The following NDUFAF6 variants were observed in gnomAD, a reference collection of about 807,000 sequenced individuals.
The protein encoded by NDUFAF6 is NADH dehydrogenase (ubiquinone) complex I, assembly factor 6.
NDUFAF6 carries 45 observed loss-of-function variants against 40.8 expected under a neutral mutation model. The observed-to-expected ratio is 1.10, with a 90% CI of 0.87 to 1.42. NDUFAF6 has a LOEUF of 1.42. Ranked by LOEUF, NDUFAF6 falls within the 40% of genes most tolerant of loss-of-function variation. The pLI is 0.00. For synonymous variants in NDUFAF6, 185 were observed against 155.9 expected (o/e 1.19, Z -1.39); for missense variants, 435 against 418.5 (o/e 1.04, Z -0.34).
At chr8:95,040,388 A>C (rs1313434152) in intron 3 of NDUFAF6, among the ~76,000 whole-genome samples, 2 of 152,156 alleles carry the variant, frequency 1.3e-5, no homozygotes, top group African/African-American at 4.8e-5. Context: ...CCACTGTATA[A>C]TTCTGCTTGC....
intron 2 of NDUFAF6, among the ~76,000 whole-genome samples, chr8:94,948,947 C>A (rs1309468632): frequency 6.6e-6 from 1 of 150,960 alleles, no homozygotes; most frequent in Admixed American, 6.6e-5. Flanking sequence ...GCCCCGGGGG[C>A]CGCCGAGGAC....
chr8:94,941,217 C>T, intron 1 of NDUFAF6: 1 of 293,646 alleles, frequency 3.4e-6, no homozygotes, highest in Middle Eastern at 9.2e-4. Flanking sequence ...CAGCTATTCC[C>T]TTTCTGCAGG....
chr8:95,041,865 T>G (rs1303265886), intron 4 of NDUFAF6, among the ~76,000 whole-genome samples: 2 of 152,070 alleles, frequency 1.3e-5, no homozygotes, highest in African/African-American at 4.8e-5. Flanking sequence ...CTATTTTGGT[T>G]TTTTCAAAAG....
At chr8:95,036,799 T>G (rs1829556597) in intron 3 of NDUFAF6, among the ~76,000 whole-genome samples, 1 of 152,264 alleles carries the variant, frequency 6.6e-6, no homozygotes, top group African/African-American at 2.4e-5. Flanking sequence ...AATTTAGGAT[T>G]GCTAAATTGT....
intron 1 of NDUFAF6, among the ~76,000 whole-genome samples, chr8:94,963,635 G>C (rs936496151): frequency 2.0e-5 from 3 of 152,204 alleles, no homozygotes; most frequent in Non-Finnish European, 4.4e-5. Context: ...CATCTAACTA[G>C]GTAATAGAGG....
At chr8:94,898,988 G>A (rs1483799146) in intron 1 of NDUFAF6, among the ~76,000 whole-genome samples, 1 of 152,176 alleles carries the variant, frequency 6.6e-6, no homozygotes, top group Admixed American at 6.5e-5. Flanking sequence ...AACAAGAAAG[G>A]AATAAAACAT....
intron 1 of NDUFAF6, among the ~76,000 whole-genome samples, chr8:94,961,570 T>C (rs1823579841): frequency 6.6e-6 from 1 of 152,114 alleles, no homozygotes; most frequent in Non-Finnish European, 1.5e-5. Context: ...TACAGGCGCG[T>C]ACCACTACAC....
intron 8 of NDUFAF6, among the ~76,000 whole-genome samples, chr8:95,056,108 A>T (rs1480708169): frequency 1.3e-5 from 2 of 152,124 alleles, no homozygotes; most frequent in African/African-American, 4.8e-5. Context: ...CACACTCTTA[A>T]TGTTTCTGAG....
At chr8:94,905,165 A>T (rs1161009063) in intron 1 of NDUFAF6, among the ~76,000 whole-genome samples, 1 of 151,982 alleles carries the variant, frequency 6.6e-6, no homozygotes, top group Non-Finnish European at 1.5e-5. Flanking sequence ...GCGGCATTGC[A>T]CTCTAGCCCA....
At chr8:95,007,960 G>A (rs1827074436) in intron 2 of NDUFAF6, among the ~76,000 whole-genome samples, 1 of 152,088 alleles carries the variant, frequency 6.6e-6, no homozygotes, top group South Asian at 2.1e-4. Context: ...CTGAGCTCAA[G>A]CAATCCTCCC....
At chr8:94,901,781 C>T (rs1022368341) in intron 1 of NDUFAF6, among the ~76,000 whole-genome samples, 2 of 152,060 alleles carry the variant, frequency 1.3e-5, no homozygotes, top group African/African-American at 2.4e-5. Context: ...GTCAGGGTTT[C>T]GCCATGTTGG....
chr8:95,072,102 A>T (rs919037424), intron 9 of NDUFAF6: 1 of 152,274 alleles, frequency 6.6e-6, no homozygotes, highest in Admixed American at 6.5e-5. Context: ...ATCTTCGCAT[A>T]AACCTCAGGA....
upstream of NDUFAF6, among the ~76,000 whole-genome samples, chr8:94,955,401 C>T (rs1045386998): frequency 2.0e-5 from 3 of 152,186 alleles, no homozygotes; most frequent in African/African-American, 7.2e-5. Flanking sequence ...ATAACTAACC[C>T]ACTCCTGGGA....
At chr8:95,079,161 G>A (rs372218550), downstream of NDUFAF6, among the ~76,000 whole-genome samples, 40 of 151,906 alleles carry the variant, frequency 2.6e-4, no homozygotes, top group Middle Eastern at 6.8e-3. Flanking sequence ...TAGTAGAGAC[G>A]GGATTTCTCC....
At chr8:94,929,057 A>G (rs1820145716) in intron 1 of NDUFAF6, 1 of 152,672 alleles carries the variant, frequency 6.5e-6, no homozygotes, top group African/African-American at 2.4e-5. Flanking sequence ...GACTGGCTAG[A>G]GGTAAGGAAA....
chr8:95,013,592 C>G (rs937953624), intron 2 of NDUFAF6, among the ~76,000 whole-genome samples: 34 of 152,236 alleles, frequency 2.2e-4, no homozygotes, highest in Admixed American at 1.0e-3. Flanking sequence ...ATATTGATTG[C>G]ATACCTCGAT....
At chr8:94,939,139 C>A (rs1393787291) in intron 1 of NDUFAF6, among the ~76,000 whole-genome samples, 1 of 152,122 alleles carries the variant, frequency 6.6e-6, no homozygotes, top group Non-Finnish European at 1.5e-5. Flanking sequence ...TTGTTAAATT[C>A]TCAGACAAGG....
intron 2 of NDUFAF6, among the ~76,000 whole-genome samples, chr8:95,003,623 G>T (rs1051818006): frequency 6.6e-6 from 1 of 152,118 alleles, no homozygotes; most frequent in Non-Finnish European, 1.5e-5. Flanking sequence ...TTTGTGTCTG[G>T]CTTCACTACC....
chr8:95,086,591 T>A (rs566150855), intron 2 of NDUFAF6, among the ~76,000 whole-genome samples: 1 of 132,392 alleles, frequency 7.6e-6, no homozygotes, highest in Admixed American at 8.1e-5. Flanking sequence ...TCTCTCTTTT[T>A]TCTTTTCTTT....
Sources: gnomAD v4.1 joint callset for allele counts (sites outside exome capture counted in the v4.1 genomes callset) on GRCh38, gnomAD v4.1.1 for gene constraint, MANE v1.5 for transcripts, NCBI Gene and HGNC (gene_info 2026-07-23, HGNC 2026-07-21) for gene names.